RBFOX1: variants seen among roughly 807,000 people sequenced by gnomAD.
RBFOX1 encodes RNA binding fox-1 homolog 1, also known as RNA binding protein fox-1 homolog 1.
Under a neutral mutation model 57.7 loss-of-function variants are expected in RBFOX1, and 8 were observed. The ratio of observed to expected loss-of-function variants is 0.14; its 90% CI spans 0.08 to 0.25. The LOEUF (loss-of-function observed/expected upper bound fraction) is 0.25, where lower values mean the gene tolerates loss of function less well. Among genes scored for constraint, RBFOX1 ranks in the 10% least tolerant of loss-of-function variants. The probability of loss-of-function intolerance (pLI) is 1.00; values close to 1 mark genes in which losing one functional copy is unlikely to be tolerated. For missense variants in RBFOX1, 611 were observed against 548.5 expected (o/e 1.11, Z -1.14); for synonymous variants, 326 against 222.4 (o/e 1.47, Z -4.15).
chr16:7,493,339 C>A (rs1037793251), intron 4 of RBFOX1, among the ~76,000 whole-genome samples: 1 of 152,194 alleles, frequency 6.6e-6, no homozygotes, highest in Non-Finnish European at 1.5e-5. Flanking sequence ...GTCATCTCAG[C>A]AAGTTTTATT....
In RBFOX1 at chr16:6,727,415, G is replaced by T. The variant is rs558818976; in HGVS notation, c.-16+72765G>T. On this transcript the variant is annotated intron_variant, in intron 3 of 15. Transcript: ENST00000550418. ...AGTCTTCATTTTACAATTGTTCCTG[G>T]TTTTTTTTTCTTTTTTTCCTTCATA... 3.7e-3 allele frequency among the ~76,000 whole-genome samples: 556 copies of T among 151,184 alleles called. 2 individuals are homozygous for T. Among genetic ancestry groups the T allele is most frequent in the African/African-American group, 8.3e-3 (341 of 41,190 alleles).
chr16:7,186,021 CA>C (rs1325246552), intron 4 of RBFOX1, among the ~76,000 whole-genome samples: 1 of 152,076 alleles, frequency 6.6e-6, no homozygotes, highest in Non-Finnish European at 1.5e-5. Context: ...GGCACACAGA[CA>C]GGTTCAGCGA....
chr16:6,548,699 G>C (rs570853467), intron 2 of RBFOX1, among the ~76,000 whole-genome samples: 1 of 152,148 alleles, frequency 6.6e-6, no homozygotes, highest in African/African-American at 2.4e-5. Flanking sequence ...TCACGATGTC[G>C]CAAGAACTCT....
At chr16:7,058,017 A>AAAAAC (rs1555829847) in intron 4 of RBFOX1, among the ~76,000 whole-genome samples, 1 of 151,516 alleles carries the variant, frequency 6.6e-6, no homozygotes, top group Non-Finnish European at 1.5e-5. Context: ...AAAAAAAAAA[A>AAAAAC]AAAAACACGA....
chr16:7,129,407 G>A (rs1202557894), intron 4 of RBFOX1, among the ~76,000 whole-genome samples: 1 of 152,062 alleles, frequency 6.6e-6, no homozygotes, highest in East Asian at 1.9e-4. Context: ...GTAGCTCAAA[G>A]GAAAGTTATT....
At chr16:7,092,500 C>T (rs1427657018) in intron 4 of RBFOX1, among the ~76,000 whole-genome samples, 3 of 152,190 alleles carry the variant, frequency 2.0e-5, no homozygotes, top group African/African-American at 7.2e-5. Flanking sequence ...ACTGTATAGA[C>T]AGTGTTCCAG....
intron 3 of RBFOX1, among the ~76,000 whole-genome samples, chr16:5,612,265 C>T (rs146889931): frequency 7.3e-5 from 11 of 151,652 alleles, no homozygotes; most frequent in African/African-American, 2.7e-4. Context: ...ATCCATCCAT[C>T]TACTCTCCCA....
intron 1 of RBFOX1, among the ~76,000 whole-genome samples, chr16:6,309,636 C>G (rs1287733331): frequency 6.6e-6 from 1 of 151,560 alleles, no homozygotes; most frequent in African/African-American, 2.4e-5. Context: ...ATTAAACACA[C>G]CAACAATAAG....
At chr16:5,402,073 G>A (rs1158709313) in intron 1 of RBFOX1, among the ~76,000 whole-genome samples, 1 of 152,146 alleles carries the variant, frequency 6.6e-6, no homozygotes. Flanking sequence ...GCATTGGAGA[G>A]TACTCCCGGG....
intron 3 of RBFOX1, among the ~76,000 whole-genome samples, chr16:6,660,499 T>G (rs1013672616): frequency 6.6e-6 from 1 of 152,174 alleles, no homozygotes; most frequent in Non-Finnish European, 1.5e-5. Flanking sequence ...GAGGCCACGA[T>G]TTGAGCTCAG....
intron 2 of RBFOX1, among the ~76,000 whole-genome samples, chr16:6,601,135 C>A (rs1248320266): frequency 3.3e-5 from 5 of 152,140 alleles, no homozygotes; most frequent in Admixed American, 2.6e-4. Flanking sequence ...GTTGTAAAGC[C>A]TTTGGGCTTT....
intron 1 of RBFOX1, among the ~76,000 whole-genome samples, chr16:5,416,681 T>TC (rs2067168496): frequency 7.6e-6 from 1 of 131,128 alleles, no homozygotes; most frequent in South Asian, 2.2e-4. Context: ...GTAATGTGTC[T>TC]TTTTTTTTTT....
At chr16:7,651,320 G>C (rs191879841) in intron 11 of RBFOX1, among the ~76,000 whole-genome samples, 1 of 152,248 alleles carries the variant, frequency 6.6e-6, no homozygotes, top group Non-Finnish European at 1.5e-5. Flanking sequence ...TGGAATGGCT[G>C]CTGTGGCAAA....
rs149281299 is a variant in RBFOX1 at position 6,662,382 on chromosome 16, T to A, written c.-16+7732T>A. 3.2e-3 allele frequency among the ~76,000 whole-genome samples: 486 copies of A among 152,270 alleles called. 5 individuals carry two copies. The highest frequency in any genetic ancestry group is 0.011 in the African/African-American group (464 of 41,550). On this transcript the variant is annotated intron_variant, in intron 3 of 15. Transcript: ENST00000550418. The stretch of plus-strand genomic sequence containing the variant: ...ACATGTATCAAAAGGTCACATTGTA[T>A]CTGTTAAATATATGCAATTTTTGTT...
chr16:6,176,895 C>G (rs1412845437), intron 1 of RBFOX1, among the ~76,000 whole-genome samples: 1 of 152,124 alleles, frequency 6.6e-6, no homozygotes, highest in Non-Finnish European at 1.5e-5. Flanking sequence ...GCCGTGAGAA[C>G]AGGTCAAAAA....
At chr16:5,651,318 G>T (rs1014504927) in intron 3 of RBFOX1, among the ~76,000 whole-genome samples, 1 of 152,042 alleles carries the variant, frequency 6.6e-6, no homozygotes, top group African/African-American at 2.4e-5. Context: ...CTCCCAGAGT[G>T]CTGGGATCAC....
rs181378727 is a variant in RBFOX1 at position 5,784,210 on chromosome 16, A to G, written c.319-83093A>G. On this transcript the variant is annotated intron_variant, in intron 3 of 19. Coordinates refer to the RBFOX1 transcript ENST00000641259. ...GCTAAGGCAGGTGGATCACGAGGTC[A>G]GGAGATCGAGACCATCCTGGCTAAC... Among the ~76,000 whole-genome samples, 77 of 152,256 alleles carry G rather than the reference A, an allele frequency of 5.1e-4. 2 individuals are homozygous for G. In the East Asian group the frequency reaches 0.013, roughly 26 times the overall value.
At chr16:5,290,849 C>A (rs1171613398) in intron 1 of RBFOX1, among the ~76,000 whole-genome samples, 1 of 152,030 alleles carries the variant, frequency 6.6e-6, no homozygotes, top group East Asian at 1.9e-4. Flanking sequence ...CAGGCACCCA[C>A]CACCACACCT....
intron 1 of RBFOX1, among the ~76,000 whole-genome samples, chr16:6,042,515 A>C (rs2095448747): frequency 6.6e-6 from 1 of 152,140 alleles, no homozygotes; most frequent in Non-Finnish European, 1.5e-5. Flanking sequence ...CTGCAAACTT[A>C]ATTTACACAT....
Sources: gnomAD v4.1 joint callset for allele counts (sites outside exome capture counted in the v4.1 genomes callset) on GRCh38, gnomAD v4.1.1 for gene constraint, MANE v1.5 for transcripts, NCBI Gene and HGNC (gene_info 2026-07-23, HGNC 2026-07-21) for gene names.